The following RANBP17 variants were observed in gnomAD, a reference collection of about 807,000 sequenced individuals.
RANBP17 encodes the protein ran-binding protein 17.
RANBP17 carries 158 observed loss-of-function variants against 141.2 expected under a neutral mutation model. That is an observed-to-expected ratio of 1.12 (90% CI 0.98 to 1.28). RANBP17 has a LOEUF of 1.28. Among genes scored for constraint, RANBP17 ranks in the 50% most tolerant of loss-of-function variants. The pLI, the probability that RANBP17 is intolerant of heterozygous loss-of-function variation, is 0.00. For missense variants in RANBP17, 1,438 were observed against 1,290.7 expected (o/e 1.11, Z -1.75); for synonymous variants, 430 against 450.0 (o/e 0.96, Z 0.56).
At chr5:170,953,095 C>A (rs189189588) in intron 12 of RANBP17, among the ~76,000 whole-genome samples, 1 of 152,004 alleles carries the variant, frequency 6.6e-6, no homozygotes, top group Non-Finnish European at 1.5e-5. Flanking sequence ...AAATTTATTA[C>A]TATCTATTAT....
intron 22 of RANBP17, among the ~76,000 whole-genome samples, chr5:171,225,928 A>G (rs1373047760): frequency 6.6e-6 from 1 of 152,190 alleles, no homozygotes; most frequent in Non-Finnish European, 1.5e-5. Flanking sequence ...GTTACAGCTC[A>G]GGGTCAGCAA....
intron 14 of RANBP17, among the ~76,000 whole-genome samples, chr5:171,140,347 T>C (rs1757604949): frequency 6.6e-6 from 1 of 152,208 alleles, no homozygotes; most frequent in Non-Finnish European, 1.5e-5. Context: ...TCAACACATA[T>C]TGGAATATTT....
chr5:171,149,024 A>G (rs747706964), intron 14 of RANBP17, among the ~76,000 whole-genome samples: 5 of 152,228 alleles, frequency 3.3e-5, no homozygotes, highest in Admixed American at 6.5e-5. Context: ...AGAATAGTCA[A>G]CCAAGAGGCT....
At chr5:171,060,535 C>G (rs2127670915) in intron 14 of RANBP17, among the ~76,000 whole-genome samples, 2 of 152,168 alleles carry the variant, frequency 1.3e-5, no homozygotes, top group African/African-American at 4.8e-5. Context: ...GGTGGATAAG[C>G]TTTTTGATGT....
At chr5:171,236,288 A>G (rs1265769700) in intron 22 of RANBP17, among the ~76,000 whole-genome samples, 2 of 152,230 alleles carry the variant, frequency 1.3e-5, no homozygotes, top group Non-Finnish European at 2.9e-5. Context: ...AGGTAAATCA[A>G]TGTGATTGAT....
At chr5:171,207,389 T>C (rs1034002174) in intron 20 of RANBP17, 1 of 152,192 alleles carries the variant, frequency 6.6e-6, no homozygotes, top group Non-Finnish European at 1.5e-5. Context: ...GCCCAAAATT[T>C]AGAGAAGATA....
chr5:171,256,303 C>T (rs988070394), intron 24 of RANBP17, among the ~76,000 whole-genome samples: 1 of 152,158 alleles, frequency 6.6e-6, no homozygotes, highest in African/African-American at 2.4e-5. Context: ...ACCTACCTTA[C>T]AGGGTTGTTG....
chr5:171,128,582 G>C (rs1264244330), intron 14 of RANBP17, among the ~76,000 whole-genome samples: 1 of 152,128 alleles, frequency 6.6e-6, no homozygotes, highest in East Asian at 1.9e-4. Flanking sequence ...ATAAGTTCTA[G>C]TGTTTGATAG....
intron 25 of RANBP17, among the ~76,000 whole-genome samples, chr5:171,289,000 A>G (rs552990918): frequency 6.6e-6 from 1 of 152,382 alleles, no homozygotes; most frequent in South Asian, 2.1e-4. Flanking sequence ...GATTAAGACA[A>G]GAACTTCCCT....
chr5:170,879,638 C>G (rs1262587122), intron 2 of RANBP17, among the ~76,000 whole-genome samples: 2 of 152,066 alleles, frequency 1.3e-5, no homozygotes, highest in African/African-American at 2.4e-5. Flanking sequence ...GGAACATTAT[C>G]AATTTTGCAA....
At chr5:171,070,074 T>C (rs1784546794) in intron 14 of RANBP17, among the ~76,000 whole-genome samples, 1 of 152,178 alleles carries the variant, frequency 6.6e-6, no homozygotes, top group Non-Finnish European at 1.5e-5. Flanking sequence ...TAAGCATGTC[T>C]GTATTTTTCC....
intron 14 of RANBP17, among the ~76,000 whole-genome samples, chr5:171,016,142 C>T (rs375719611): frequency 9.3e-5 from 14 of 150,304 alleles, no homozygotes; most frequent in Non-Finnish European, 1.8e-4. Flanking sequence ...AATCCCAGGG[C>T]TCACCCTTGT....
At chr5:171,132,044 T>A (rs542015166) in intron 14 of RANBP17, among the ~76,000 whole-genome samples, 1 of 152,208 alleles carries the variant, frequency 6.6e-6, no homozygotes. Context: ...GTTCAATAGA[T>A]GAAATTTATA....
intron 14 of RANBP17, among the ~76,000 whole-genome samples, chr5:170,996,165 C>T (rs555390357): frequency 4.6e-5 from 7 of 152,176 alleles, no homozygotes; most frequent in African/African-American, 1.4e-4. Flanking sequence ...ATCAAAAGGG[C>T]TAGAAATCTA....
intron 14 of RANBP17, among the ~76,000 whole-genome samples, chr5:171,062,780 G>A (rs1370699709): frequency 5.3e-5 from 8 of 151,908 alleles, no homozygotes; most frequent in African/African-American, 9.7e-5. Flanking sequence ...CATTCTCCCC[G>A]TCACTTTCAG....
chr5:171,089,813 A>C lies in RANBP17; in HGVS notation c.1711-80317A>C, dbSNP rs867623406. On this transcript the variant is annotated intron_variant, in intron 14 of 27. Transcript: ENST00000523189. Reference sequence around the variant, plus strand: ...GGTGAGGCAATGCCTCGCCCTGCTTAGGCTCGCGCACGGTGCGTGCACCCA... The same window carrying C: ...GGTGAGGCAATGCCTCGCCCTGCTTCGGCTCGCGCACGGTGCGTGCACCCA... Among the ~76,000 whole-genome samples the C allele has an allele frequency of 1.1e-4, 16 of 151,900 alleles. 1 individual carries two copies. The highest frequency in any genetic ancestry group is 2.9e-4 in the African/African-American group (12 of 41,344).
chr5:171,048,167 ATCT>A (rs143322710), intron 14 of RANBP17, among the ~76,000 whole-genome samples: 2,930 of 152,208 alleles, frequency 0.019, 73 homozygotes, highest in African/African-American at 0.064. Flanking sequence ...GGTTCAAGTG[ATCT>A]TCTCACCTCA....
intron 16 of RANBP17, among the ~76,000 whole-genome samples, chr5:171,182,622 C>T (rs1291653496): frequency 6.6e-6 from 1 of 152,156 alleles, no homozygotes; most frequent in Non-Finnish European, 1.5e-5. Flanking sequence ...ATGCCTTTTA[C>T]GTACTAGGCA....
rs543167227 is a variant in RANBP17 at position 171,253,861 on chromosome 5, A to G, written c.2776+11041A>G. Among the ~76,000 whole-genome samples, 17 of 152,304 alleles carry G rather than the reference A, an allele frequency of 1.1e-4. 1 individual carries two copies. The South Asian group carries it at 3.5e-3, about 32-fold the overall frequency. On this transcript the variant is annotated intron_variant, in intron 24 of 27. Coordinates refer to ENST00000523189, the MANE Select transcript of RANBP17 (RefSeq NM_022897.5). The stretch of plus-strand genomic sequence containing the variant: ...AGGTAAATATCCTTTTTCAGGAGGA[A>G]CTGATATCTCTGGCCAAATATTTGT...
Sources: gnomAD v4.1 joint callset for allele counts (sites outside exome capture counted in the v4.1 genomes callset) on GRCh38, gnomAD v4.1.1 for gene constraint, MANE v1.5 for transcripts, NCBI Gene and HGNC (gene_info 2026-07-23, HGNC 2026-07-21) for gene names.